The following ANO4 variants were observed in gnomAD, a reference collection of about 807,000 sequenced individuals.
ANO4 encodes the protein anoctamin 4.
In ANO4, 69 loss-of-function variants were observed where a neutral mutation model predicts 141.9. The observed-to-expected ratio is 0.49, with a 90% CI of 0.40 to 0.59. The LOEUF is 0.59. Ranked by LOEUF, ANO4 falls within the 20% of genes least tolerant of loss-of-function variation. ANO4 has a pLI of 0.00. For synonymous variants in ANO4, 350 were observed against 394.3 expected, an observed-to-expected ratio of 0.89 and a Z score of 1.33; for missense variants, 894 against 1,162.2, an observed-to-expected ratio of 0.77 and a Z score of 3.36.
intron 21 of ANO4, among the ~76,000 whole-genome samples, chr12:101,098,687 AT>A (rs1343067059): frequency 2.6e-5 from 4 of 152,244 alleles, no homozygotes; most frequent in African/African-American, 9.6e-5. Context: ...CTTTTAAAAA[AT>A]AAAACATTAA....
chr12:101,016,642 G>A (rs952002517), intron 8 of ANO4, among the ~76,000 whole-genome samples: 3 of 152,204 alleles, frequency 2.0e-5, no homozygotes, highest in Admixed American at 6.5e-5. Context: ...CCCTTTACCT[G>A]TGCTGGAAAT....
chr12:101,109,745 A>AAATT (rs1313773251), intron 22 of ANO4, among the ~76,000 whole-genome samples: 1 of 152,136 alleles, frequency 6.6e-6, no homozygotes, highest in African/African-American at 2.4e-5. Context: ...TTGCCTACAA[A>AAATT]AATTATTACT....
chr12:100,799,523 C>T (rs1314329757), intron 1 of ANO4, among the ~76,000 whole-genome samples: 1 of 152,184 alleles, frequency 6.6e-6, no homozygotes, highest in Admixed American at 6.5e-5. Flanking sequence ...GTGGGCAGAT[C>T]ATGAGGTCAA....
chr12:101,083,298 T>C (rs556937922), intron 15 of ANO4, among the ~76,000 whole-genome samples: 1 of 152,338 alleles, frequency 6.6e-6, no homozygotes, highest in African/African-American at 2.4e-5. Context: ...TCCTGGTGTT[T>C]CTTATCACTC....
chr12:101,011,036 G>A (rs1474183745), intron 8 of ANO4, among the ~76,000 whole-genome samples: 1 of 152,148 alleles, frequency 6.6e-6, no homozygotes, highest in East Asian at 1.9e-4. Flanking sequence ...ATAGCTGGGG[G>A]ATGCTGCCAG....
intron 3 of ANO4, among the ~76,000 whole-genome samples, chr12:100,925,493 C>T (rs910988385): frequency 2.8e-5 from 4 of 143,624 alleles, no homozygotes; most frequent in Admixed American, 7.1e-5. Flanking sequence ...CATGTCCTGT[C>T]GGGGGGTGGG....
intron 15 of ANO4, 47 bp from the exon 16 acceptor site, chr12:101,083,631 T>A: frequency 6.4e-7 from 1 of 1,560,594 alleles, no homozygotes. Flanking sequence ...TTTTTTATTG[T>A]GTGAGCACCT....
At chr12:100,879,547 A>G (rs561725334) in intron 1 of ANO4, among the ~76,000 whole-genome samples, 1 of 152,308 alleles carries the variant, frequency 6.6e-6, no homozygotes, top group East Asian at 1.9e-4. Flanking sequence ...CTTAATAAAT[A>G]CTAGATGAAT....
intron 8 of ANO4, among the ~76,000 whole-genome samples, chr12:100,998,981 G>T (rs2045516793): frequency 6.6e-6 from 1 of 152,214 alleles, no homozygotes; most frequent in South Asian, 2.1e-4. Flanking sequence ...GGAACCTGGG[G>T]CACAGAAGGG....
At chr12:101,007,920 A>C (rs564176588) in intron 8 of ANO4, among the ~76,000 whole-genome samples, 1 of 152,128 alleles carries the variant, frequency 6.6e-6, no homozygotes, top group Non-Finnish European at 1.5e-5. Context: ...AGCTGCCCAC[A>C]TGTTTACAAT....
At chr12:100,974,050 A>G (rs1432334904) in intron 6 of ANO4, among the ~76,000 whole-genome samples, 1 of 152,216 alleles carries the variant, frequency 6.6e-6, no homozygotes, top group Non-Finnish European at 1.5e-5. Flanking sequence ...TATTCCATTC[A>G]GTTTCGGTTG....
chr12:100,949,824 C>G (rs1250951441), intron 5 of ANO4, among the ~76,000 whole-genome samples: 1 of 152,140 alleles, frequency 6.6e-6, no homozygotes, highest in Non-Finnish European at 1.5e-5. Flanking sequence ...TTAGATTCAT[C>G]TGGGTATAAA....
intron 22 of ANO4, among the ~76,000 whole-genome samples, chr12:101,102,027 T>TG (rs1340406001): frequency 6.6e-6 from 1 of 151,920 alleles, no homozygotes; most frequent in Admixed American, 6.6e-5. Flanking sequence ...GAGGTTGCAG[T>TG]GAGCCAAGAT....
intron 1 of ANO4, among the ~76,000 whole-genome samples, chr12:100,855,712 A>G (rs1305271161): frequency 6.6e-6 from 1 of 152,174 alleles, no homozygotes; most frequent in Non-Finnish European, 1.5e-5. Context: ...TTAACCATGC[A>G]TTGCCAATTT....
intron 2 of ANO4, chr12:100,733,959 T>C: frequency 1.7e-6 from 1 of 600,998 alleles, no homozygotes; most frequent in Non-Finnish European, 3.0e-6. Context: ...AAAATATAAA[T>C]GCATAGGCAT....
intron 22 of ANO4, among the ~76,000 whole-genome samples, chr12:101,104,252 C>T (rs2050321002): frequency 6.6e-6 from 1 of 151,532 alleles, no homozygotes; most frequent in Non-Finnish European, 1.5e-5. Flanking sequence ...ATCTTTATTT[C>T]CCTCCTTTAC....
At chr12:100,727,148 C>T (rs1470594039) in intron 1 of ANO4, among the ~76,000 whole-genome samples, 1 of 152,166 alleles carries the variant, frequency 6.6e-6, no homozygotes, top group Non-Finnish European at 1.5e-5. Flanking sequence ...TATTCCCTGA[C>T]TGTCAGATGA....
chr12:101,089,847 A>G (rs535363511), intron 17 of ANO4, among the ~76,000 whole-genome samples: 10 of 152,344 alleles, frequency 6.6e-5, no homozygotes, highest in Non-Finnish European at 1.0e-4. Context: ...CAATCTACCC[A>G]TCTGACAAGG....
At position 101,126,916 on chromosome 12, in the gene ANO4, T is replaced by C. The variant is rs1211596286; in HGVS notation, c.2714T>C (p.Leu905Pro). ...TGTATAAAGCACCTCATTTCATATC[T>C]GATCCCAGACCTCCCAAAAGACCTA... is the stretch of plus-strand genomic sequence containing the variant. The part of the protein sequence containing the change: ...VFCIKHLISY[L>P]IPDLPKDLRD... Residue 905 changes from leucine to proline, a missense_variant, in exon 27 of 28, where the codon CTG becomes CCG. This residue lies in a region of ANO4 where 637 missense variants were observed against 909.2 expected (regional missense o/e 0.70). Coordinates refer to ENST00000392977, the MANE Select transcript of ANO4 (RefSeq NM_001286615.2). 5 of 1,614,054 alleles carry C rather than the reference T, an allele frequency of 3.1e-6. No homozygotes were observed. The highest frequency in any genetic ancestry group is 4.2e-6 in the Non-Finnish European group (5 of 1,180,028).
Sources: allele counts gnomAD v4.1 joint callset (sites outside exome capture counted in the v4.1 genomes callset), GRCh38; gene constraint gnomAD v4.1.1; regional missense constraint gnomAD v4.1.1; transcripts MANE v1.5; gene names NCBI Gene and HGNC (gene_info 2026-07-23, HGNC 2026-07-21).